Variants in SSNA1 observed in about 807,000 individuals in gnomAD.
The protein encoded by SSNA1 is SS nuclear autoantigen 1, also known as microtubule nucleation factor SSNA1.
SSNA1 carries 13 observed loss-of-function variants against 13.3 expected under a neutral mutation model. The ratio of observed to expected loss-of-function variants is 0.97; its 90% confidence interval spans 0.63 to 1.55. The LOEUF (loss-of-function observed/expected upper bound fraction) is 1.55, where lower values mean the gene tolerates loss of function less well. Ranked by LOEUF, SSNA1 falls within the 40% of genes most tolerant of loss-of-function variation. SSNA1 has a pLI of 0.00. For missense variants in SSNA1, 186 were observed against 152.7 expected, an observed-to-expected ratio of 1.22 and a Z score of -1.15; for synonymous variants, 89 against 65.9, an observed-to-expected ratio of 1.35 and a Z score of -1.70.
intron 1 of SSNA1, 67 bp from the exon 2 acceptor site, chr9:137,188,999 A>G (rs1834549578): frequency 6.6e-7 from 1 of 1,518,914 alleles, no homozygotes; most frequent in Non-Finnish European, 8.9e-7. Context: ...CTCGGGTGGA[A>G]GGAGGCCCGC....
At position 137,189,199 on chromosome 9, in the gene SSNA1, A is replaced by G. The variant is rs750659458; in HGVS notation, c.186A>G (p.Ala62=). The G allele has an allele frequency of 2.5e-5, 41 of 1,613,076 alleles. 1 individual carries two copies. In the South Asian group the frequency reaches 3.7e-4, roughly 15 times the overall value. The change falls in exon 2 of 3, where the codon GCA becomes GCG. Residue 62 remains alanine (A), a synonymous_variant. Transcript: ENST00000322310. The stretch of plus-strand genomic sequence containing the variant: ...TGGCCCGCGTCAACGAGAACCTGGC[A>G]CGCAAGATTGCCTCTCGCAACGAGT... The part of the protein sequence containing the change: ...EKLARVNENL[A]RKIASRNEFD...
Position 137,189,797 on chromosome 9 carries a change from C to G in SSNA1, c.253-10C>G, listed in dbSNP as rs1406334977. ...GAACATTAACAACCTTCTCACTTCT[C>G]TGGCCCCAGATCCTGGAGAGCTCCC... On this transcript the variant is annotated splice_polypyrimidine_tract_variant and intron_variant, in intron 2 of 2. Transcript: ENST00000322310. 2 of 1,612,978 alleles carry G rather than the reference C, an allele frequency of 1.2e-6. No homozygotes were observed. The highest frequency in any genetic ancestry group is 2.2e-5 in the East Asian group (1 of 44,898).
In SSNA1 at chr9:137,189,968, G is replaced by A; in HGVS notation, c.*54G>A. ...GTGCCCCTCAGCTCAGCCCCAGCAA[G>A]TGTGTGCTCAGAGCATCTTTGTTCT... On this transcript the variant is annotated 3_prime_UTR_variant, in exon 3 of 3. Coordinates refer to ENST00000322310, the MANE Select transcript of SSNA1 (RefSeq NM_003731.3). 2 of 1,485,604 alleles carry A rather than the reference G, an allele frequency of 1.3e-6. No individual in the cohort carries two copies. The highest frequency in any genetic ancestry group is 9.4e-7 in the Non-Finnish European group (1 of 1,067,688). 92.0% of individuals were successfully genotyped at this position (1,485,604 alleles called of 1,614,324 possible). A position where few individuals can be genotyped will look rare whatever the true frequency, so the allele number is the denominator to read the frequency against.
chr9:137,189,189 A>G lies in SSNA1; in HGVS notation c.176A>G (p.Glu59Gly). 6.2e-7 allele frequency: 1 copy of G among 1,613,184 alleles called. No homozygotes were observed. The change falls in exon 2 of 3, where the codon GAG (glutamate) becomes GGG (glycine). Residue 59 changes from glutamate to glycine, a missense_variant. Coordinates refer to ENST00000322310, the MANE Select transcript of SSNA1 (RefSeq NM_003731.3). ...ACAGAGAAGCTGGCCCGCGTCAACG[A>G]GAACCTGGCACGCAAGATTGCCTCT... ...QLTEKLARVN[E>G]NLARKIASRN... is the part of the protein sequence containing the mutation.
At position 137,189,047 on chromosome 9, in the gene SSNA1, C is replaced by A. The variant is rs761561786; in HGVS notation, c.53-19C>A. 1 of 1,552,122 alleles carries A rather than the reference C, an allele frequency of 6.4e-7. No homozygotes were observed. The highest frequency in any genetic ancestry group is 8.7e-7 in the Non-Finnish European group (1 of 1,147,430). ...CGCTCCTGCCCTGGGCCCACAGCGC[C>A]GCCCCTCCCGGCCCCCAGGCATAGA... On this transcript the variant is annotated intron_variant, in intron 1 of 2. Transcript: ENST00000322310.
Position 137,188,679 on chromosome 9 carries a change from G to C in SSNA1, c.-48G>C, listed in dbSNP as rs1256782336. The C allele has an allele frequency of 6.4e-7, 1 of 1,571,646 alleles. No individual in the cohort carries two copies. Among genetic ancestry groups the C allele is most frequent in the Non-Finnish European group, 8.6e-7 (1 of 1,167,992 alleles). On this transcript the variant is annotated 5_prime_UTR_variant, in exon 1 of 3. Coordinates refer to ENST00000322310, the MANE Select transcript of SSNA1 (RefSeq NM_003731.3). ...GGAGTCGTGCGCAGGCGCGGACAGC[G>C]CTGCTTCCGCGGCGGTTGGGGTGGT...
At position 137,190,056 on chromosome 9, in the gene SSNA1, A is replaced by T. The variant is rs1280895155; in HGVS notation, c.*142A>T. On this transcript the variant is annotated 3_prime_UTR_variant, in exon 3 of 3. Transcript: ENST00000322310. ...CCGAGAGGGGCAGGTGCCAGCCTCCACTGGCATCAGTGACAAGCCCAGGGC... is the reference window on the plus strand; with the variant it reads ...CCGAGAGGGGCAGGTGCCAGCCTCCTCTGGCATCAGTGACAAGCCCAGGGC... 6.8e-6 allele frequency: 5 copies of T among 736,018 alleles called. No homozygotes were observed. The highest frequency in any genetic ancestry group is 2.4e-5 in the Admixed American group (1 of 41,574). The allele number at this position is 736,018 out of a possible 1,614,324, so 45.6% of individuals were successfully genotyped here. A position where few individuals can be genotyped will look rare whatever the true frequency, so the allele number is the denominator to read the frequency against.
In SSNA1 at chr9:137,189,011, C is replaced by T. The variant is rs1374680277; in HGVS notation, c.53-55C>T. ...TTCCTCGGGTGGAAGGAGGCCCGCCCTCCGCCGCCGCGCTCCTGCCCTGGG... is the reference window on the plus strand; with the variant it reads ...TTCCTCGGGTGGAAGGAGGCCCGCCTTCCGCCGCCGCGCTCCTGCCCTGGG... On this transcript the variant is annotated intron_variant, in intron 1 of 2. Transcript: ENST00000322310. 2.0e-6 allele frequency: 3 copies of T among 1,534,108 alleles called. No homozygotes were observed. The African/African-American group carries it at 4.1e-5, about 21-fold the overall frequency.
Position 137,189,054 on chromosome 9 carries a change from C to T in SSNA1, c.53-12C>T, listed in dbSNP as rs1388975240. On this transcript the variant is annotated splice_polypyrimidine_tract_variant and intron_variant, in intron 1 of 2. Coordinates refer to ENST00000322310, the MANE Select transcript of SSNA1 (RefSeq NM_003731.3). Reference sequence around the variant, plus strand: ...GCCCTGGGCCCACAGCGCCGCCCCTCCCGGCCCCCAGGCATAGAGGAGCTG... The same window carrying T: ...GCCCTGGGCCCACAGCGCCGCCCCTTCCGGCCCCCAGGCATAGAGGAGCTG... 6.4e-7 allele frequency: 1 copy of T among 1,554,984 alleles called. No homozygotes were observed. The highest frequency in any genetic ancestry group is 1.9e-5 in the Admixed American group (1 of 51,648).
Position 137,189,948 on chromosome 9 carries a change from C to T in SSNA1, c.*34C>T, listed in dbSNP as rs142637996. ...CGGGCAGGGCCTGCCTCCGTGTGCC[C>T]CTCAGCTCAGCCCCAGCAAGTGTGT... On this transcript the variant is annotated 3_prime_UTR_variant, in exon 3 of 3. Coordinates refer to ENST00000322310, the MANE Select transcript of SSNA1 (RefSeq NM_003731.3). 5 of 1,572,428 alleles carry T rather than the reference C, an allele frequency of 3.2e-6. No homozygotes were observed. Among genetic ancestry groups the T allele is most frequent in the East Asian group, 2.2e-5 (1 of 44,624 alleles).
At chr9:137,189,594 G>C (rs570143929) in intron 2 of SSNA1, among the ~76,000 whole-genome samples, 1 of 152,374 alleles carries the variant, frequency 6.6e-6, no homozygotes, top group South Asian at 2.1e-4. Context: ...TGGCTTTGAG[G>C]GTGGAGAGGA....
At chr9:137,189,712 C>T (rs1359162425) in intron 2 of SSNA1, 95 bp from the exon 3 acceptor site, 1 of 1,181,228 alleles carries the variant, frequency 8.5e-7, no homozygotes, top group Non-Finnish European at 1.2e-6. Context: ...ACAGCACCCC[C>T]AGCCAGGTCC....
Position 137,189,062 on chromosome 9 carries a change from C to G in SSNA1, c.53-4C>G, listed in dbSNP as rs1050149515. On this transcript the variant is annotated splice_region_variant and splice_polypyrimidine_tract_variant and intron_variant, in intron 1 of 2. Transcript: ENST00000322310. ...CCCACAGCGCCGCCCCTCCCGGCCCCCAGGCATAGAGGAGCTGTGCCAGAA... is the reference window on the plus strand; with the variant it reads ...CCCACAGCGCCGCCCCTCCCGGCCCGCAGGCATAGAGGAGCTGTGCCAGAA... 6.4e-7 allele frequency: 1 copy of G among 1,559,832 alleles called. No homozygotes were observed. Among genetic ancestry groups the G allele is most frequent in the South Asian group, 1.2e-5 (1 of 85,866 alleles).
Position 137,188,739 on chromosome 9 carries a change from G to C in SSNA1, c.13G>C (p.Gly5Arg). Reference sequence around the variant, plus strand: ...GGCGGCGTTGACCATGACCCAGCAGGGCGCGGCGCTGCAGAACTACAACAA... The same window carrying C: ...GGCGGCGTTGACCATGACCCAGCAGCGCGCGGCGCTGCAGAACTACAACAA... MTQQ[G>R]AALQNYNNEL... The change falls in exon 1 of 3, where the codon GGC becomes CGC. Residue 5 changes from glycine (G) to arginine (R), a missense_variant. Gly to Arg is a moderately radical substitution (Grantham distance 125). Transcript: ENST00000322310. 6.3e-7 allele frequency: 1 copy of C among 1,585,778 alleles called. No individual in the cohort carries two copies. Among genetic ancestry groups the C allele is most frequent in the East Asian group, 2.3e-5 (1 of 42,856 alleles).
In SSNA1 at chr9:137,189,066, G is replaced by C. The variant is rs1388709781; in HGVS notation, c.53G>C (p.Cys18Ser). Residue 18 changes from cysteine to serine, a missense_variant and splice_region_variant, in exon 2 of 3, where the codon TGC becomes TCC. Physicochemically the swap from Cys to Ser is moderately radical, Grantham distance 112. Coordinates refer to ENST00000322310, the MANE Select transcript of SSNA1 (RefSeq NM_003731.3). ...CAGCGCCGCCCCTCCCGGCCCCCAG[G>C]CATAGAGGAGCTGTGCCAGAAGCGG... ...LQNYNNELVK[C>S]IEELCQKREE... 1 of 1,562,620 alleles carries C rather than the reference G, an allele frequency of 6.4e-7. No individual in the cohort carries two copies. Among genetic ancestry groups the C allele is most frequent in the Admixed American group, 1.9e-5 (1 of 52,686 alleles).
rs750853503 is a variant in SSNA1, at chr9:137,189,109, G to C, written c.96G>C (p.Gln32His). ...AGAAGCGGGAGGAGCTGTGCCGGCA[G>C]ATCCAGGAGGAGGAGGACGAGAAGC... ...LCQKREELCR[Q>H]IQEEEDEKQR... The change falls in exon 2 of 3, where the codon CAG (glutamine) becomes CAC (histidine). Residue 32 changes from glutamine to histidine, a missense_variant. Coordinates refer to ENST00000322310, the MANE Select transcript of SSNA1 (RefSeq NM_003731.3). 1.9e-6 allele frequency: 3 copies of C among 1,600,160 alleles called. No homozygotes were observed. The highest frequency in any genetic ancestry group is 1.1e-5 in the South Asian group (1 of 89,414).
At position 137,190,192 on chromosome 9, in the gene SSNA1, C is replaced by T. The variant is rs976400576; in HGVS notation, c.*278C>T. The T allele has an allele frequency of 1.4e-5, 6 of 416,654 alleles. No individual in the cohort carries two copies. The highest frequency in any genetic ancestry group is 2.2e-5 in the Non-Finnish European group (5 of 225,978). The allele number at this position is 416,654 out of a possible 1,614,324, so 25.8% of individuals were successfully genotyped here. Reference sequence around the variant, plus strand: ...CTGTGGCACCCACACTCCTGCCCTGCCAGGGAGGCTCTGGTTGTCTGAGCA... The same window carrying T: ...CTGTGGCACCCACACTCCTGCCCTGTCAGGGAGGCTCTGGTTGTCTGAGCA... On this transcript the variant is annotated 3_prime_UTR_variant, in exon 3 of 3. Coordinates refer to ENST00000322310, the MANE Select transcript of SSNA1 (RefSeq NM_003731.3).
intron 2 of SSNA1, 133 bp downstream of exon 2, chr9:137,189,398 A>AAG: frequency 9.2e-7 from 1 of 1,081,444 alleles, no homozygotes; most frequent in Non-Finnish European, 1.4e-6. Context: ...GGGCAGGGGC[A>AAG]GCGTGGCCAG....
chr9:137,189,709 C>A, intron 2 of SSNA1, 98 bp from the exon 3 acceptor site: 2 of 1,145,136 alleles, frequency 1.7e-6, no homozygotes, highest in Non-Finnish European at 1.3e-6. Context: ...GCTACAGCAC[C>A]CCCAGCCAGG....
Sources: allele counts gnomAD v4.1 joint callset (sites outside exome capture counted in the v4.1 genomes callset), GRCh38; gene constraint gnomAD v4.1.1; transcripts MANE v1.5; gene names NCBI Gene and HGNC (gene_info 2026-07-23, HGNC 2026-07-21).